ZNF618: variants seen among roughly 807,000 people sequenced by gnomAD.
ZNF618 encodes the protein zinc finger protein 618.
In ZNF618, 34 loss-of-function variants were observed where a neutral mutation model predicts 103.0. That is an observed-to-expected ratio of 0.33 (90% CI 0.25 to 0.44). The LOEUF is 0.44. ZNF618 is among the 20% of genes least tolerant of loss of function. ZNF618 has a pLI of 1.00. For synonymous variants in ZNF618, 551 were observed against 542.2 expected (o/e 1.02, Z -0.23); for missense variants, 1,059 against 1,295.4 (o/e 0.82, Z 2.80).
chr9:113,951,982 G>A (rs1458604932), intron 1 of ZNF618, among the ~76,000 whole-genome samples: 2 of 152,118 alleles, frequency 1.3e-5, no homozygotes, highest in East Asian at 1.9e-4. Flanking sequence ...TGAGGCTTTC[G>A]TGGCACTCCA....
intron 2 of ZNF618, among the ~76,000 whole-genome samples, chr9:113,987,444 G>A (rs574607997): frequency 1.1e-4 from 17 of 152,248 alleles, no homozygotes; most frequent in Admixed American, 3.9e-4. Flanking sequence ...GATGTTTTCC[G>A]ATGTTTAAAG....
chr9:113,945,281 G>C (rs1046148790), intron 1 of ZNF618, among the ~76,000 whole-genome samples: 3 of 152,156 alleles, frequency 2.0e-5, no homozygotes, highest in Non-Finnish European at 2.9e-5. Flanking sequence ...AGTTTTTCAG[G>C]AAGGCATTTC....
intron 12 of ZNF618, chr9:114,035,226 C>T: frequency 2.0e-6 from 2 of 986,080 alleles, no homozygotes; most frequent in East Asian, 1.1e-4. Context: ...CCCTTTCCCT[C>T]TCCTACAGAG....
At chr9:113,972,596 G>A (rs1838076101) in intron 2 of ZNF618, among the ~76,000 whole-genome samples, 1 of 152,124 alleles carries the variant, frequency 6.6e-6, no homozygotes, top group Non-Finnish European at 1.5e-5. Flanking sequence ...GCCTGTTTGG[G>A]ACCAGGGACT....
intron 6 of ZNF618, among the ~76,000 whole-genome samples, chr9:114,006,993 G>C (rs573918225): frequency 2.6e-5 from 4 of 152,296 alleles, no homozygotes; most frequent in African/African-American, 9.6e-5. Flanking sequence ...TCTTTTGTAA[G>C]CTACCCTCAG....
chr9:113,889,343 C>CTCTCTT (rs1209505436), intron 1 of ZNF618, among the ~76,000 whole-genome samples: 1 of 150,958 alleles, frequency 6.6e-6, no homozygotes, highest in Admixed American at 6.8e-5. Flanking sequence ...CTCTCTCTCT[C>CTCTCTT]TCTTTCTCTC....
intron 13 of ZNF618, among the ~76,000 whole-genome samples, chr9:114,043,411 G>C (rs1034990950): frequency 6.6e-6 from 1 of 152,066 alleles, no homozygotes; most frequent in Non-Finnish European, 1.5e-5. Context: ...TTCCTTCTTG[G>C]TAATAGCCAT....
intron 1 of ZNF618, among the ~76,000 whole-genome samples, chr9:113,954,615 G>T (rs1478100541): frequency 1.3e-5 from 2 of 152,200 alleles, no homozygotes; most frequent in African/African-American, 2.4e-5. Flanking sequence ...GGTTAGCTCT[G>T]CAGGGCAGTG....
At chr9:114,017,015 G>A in intron 10 of ZNF618, 1 of 549,332 alleles carries the variant, frequency 1.8e-6, no homozygotes, top group African/African-American at 1.9e-5. Context: ...TCCCTTAGTG[G>A]ACTCAGAGTC....
chr9:113,933,467 A>G (rs1833778035), intron 1 of ZNF618, among the ~76,000 whole-genome samples: 2 of 152,214 alleles, frequency 1.3e-5, no homozygotes. Flanking sequence ...TTTAGAGTGC[A>G]TTAGATCTGG....
At chr9:114,004,594 T>A (rs1841568259) in intron 6 of ZNF618, among the ~76,000 whole-genome samples, 1 of 152,194 alleles carries the variant, frequency 6.6e-6, no homozygotes, top group Non-Finnish European at 1.5e-5. Flanking sequence ...AGTCCTTCCG[T>A]CACTTTTCCC....
intron 1 of ZNF618, among the ~76,000 whole-genome samples, chr9:113,958,891 T>C (rs1402717220): frequency 1.3e-5 from 2 of 152,222 alleles, no homozygotes; most frequent in Non-Finnish European, 2.9e-5. Context: ...ATTCTGACCA[T>C]GTTACTGCCC....
chr9:114,040,672 A>G (rs1845082577), intron 13 of ZNF618, among the ~76,000 whole-genome samples: 1 of 152,050 alleles, frequency 6.6e-6, no homozygotes, highest in African/African-American at 2.4e-5. Flanking sequence ...ATCCTTTTTT[A>G]TGGCTGCATA....
chr9:113,898,391 G>C (rs1369212363), intron 1 of ZNF618, among the ~76,000 whole-genome samples: 3 of 150,764 alleles, frequency 2.0e-5, no homozygotes, highest in Non-Finnish European at 4.4e-5. Flanking sequence ...GGCTTGGCCT[G>C]GTCTATATCC....
At chr9:113,993,532 G>T (rs1840277981) in intron 3 of ZNF618, among the ~76,000 whole-genome samples, 1 of 152,206 alleles carries the variant, frequency 6.6e-6, no homozygotes, top group South Asian at 2.1e-4. Context: ...TCCCATTATG[G>T]TGGTCCAGGT....
intron 1 of ZNF618, among the ~76,000 whole-genome samples, chr9:113,952,419 C>T (rs1197839289): frequency 6.6e-6 from 1 of 152,218 alleles, no homozygotes; most frequent in African/African-American, 2.4e-5. Context: ...TGTCCACCCC[C>T]TGATGACAGC....
intron 1 of ZNF618, among the ~76,000 whole-genome samples, chr9:113,914,690 C>G (rs184363275): frequency 6.6e-6 from 1 of 152,318 alleles, no homozygotes; most frequent in East Asian, 1.9e-4. Flanking sequence ...ATAAAAACAT[C>G]TTTTCTGTTC....
At chr9:113,931,944 G>T (rs1447488549) in intron 1 of ZNF618, among the ~76,000 whole-genome samples, 2 of 152,184 alleles carry the variant, frequency 1.3e-5, no homozygotes, top group Non-Finnish European at 2.9e-5. Flanking sequence ...GTATAGTGTA[G>T]TGATTGATTC....
chr9:113,915,610 T>G (rs566075901), intron 1 of ZNF618, among the ~76,000 whole-genome samples: 7 of 152,350 alleles, frequency 4.6e-5, no homozygotes, highest in African/African-American at 1.7e-4. Flanking sequence ...CATTTCAAGA[T>G]GCTTAAAAAT....
Sources: gnomAD v4.1 joint callset for allele counts (sites outside exome capture counted in the v4.1 genomes callset) on GRCh38, gnomAD v4.1.1 for gene constraint, MANE v1.5 for transcripts, NCBI Gene and HGNC (gene_info 2026-07-23, HGNC 2026-07-21) for gene names.